The following PRRX1 variants were observed in gnomAD, a reference collection of about 807,000 sequenced individuals.
The protein encoded by PRRX1 is paired mesoderm homeobox protein 1.
In PRRX1, 8 loss-of-function variants were observed where a neutral mutation model predicts 24.0. The observed-to-expected ratio is 0.33, with a 90% CI of 0.20 to 0.60. The LOEUF (loss-of-function observed/expected upper bound fraction) is 0.60. Among genes scored for constraint, PRRX1 ranks in the 20% least tolerant of loss-of-function variants. The pLI, the probability that PRRX1 is intolerant of heterozygous loss-of-function variation, is 0.82. For synonymous variants in PRRX1, 160 were observed against 131.7 expected (o/e 1.22, Z -1.47); for missense variants, 281 against 322.4 (o/e 0.87, Z 0.98).
chr1:170,696,299 A>G lies in PRRX1; in HGVS notation c.242-23427A>G, dbSNP rs113788480. Reference sequence around the variant, plus strand: ...AACCATGACCAGCAGAGATATGTCTATATTAGAGAAAAAGAGGCAACCCTG... The same window carrying G: ...AACCATGACCAGCAGAGATATGTCTGTATTAGAGAAAAAGAGGCAACCCTG... On this transcript the variant is annotated intron_variant, in intron 1 of 3. Coordinates refer to ENST00000239461, the MANE Select transcript of PRRX1 (RefSeq NM_022716.4). Among the ~76,000 whole-genome samples, 1,335 of 152,294 alleles carry G rather than the reference A, an allele frequency of 8.8e-3. 15 individuals are homozygous for G. The highest frequency in any genetic ancestry group is 0.031 in the African/African-American group (1,288 of 41,566).
chr1:170,735,657 T>C (rs1655577965), intron 3 of PRRX1, among the ~76,000 whole-genome samples: 1 of 152,192 alleles, frequency 6.6e-6, no homozygotes, highest in African/African-American at 2.4e-5. Context: ...TATTCCCCAC[T>C]GCTCCCACAG....
intron 3 of PRRX1, chr1:170,728,059 G>T (rs936090072): frequency 1.3e-5 from 2 of 152,134 alleles, no homozygotes; most frequent in African/African-American, 4.8e-5. Flanking sequence ...TTTGAATTTG[G>T]TCACAACCAG....
At chr1:170,711,536 T>C (rs6702337) in intron 1 of PRRX1, among the ~76,000 whole-genome samples, 7,031 of 152,304 alleles carry the variant, frequency 0.046, 236 homozygotes, top group Middle Eastern at 0.12. Flanking sequence ...GTCTTGGTTT[T>C]TTAGAACCTG....
intron 1 of PRRX1, among the ~76,000 whole-genome samples, chr1:170,691,431 CTTTCCTTCCA>C (rs1376743509): frequency 6.8e-6 from 1 of 147,382 alleles, no homozygotes; most frequent in South Asian, 2.2e-4. Flanking sequence ...TTTTCCTTCC[CTTTCCTTCCA>C]TTTCCTTTCC....
intron 3 of PRRX1, among the ~76,000 whole-genome samples, chr1:170,733,468 A>G (rs528965658): frequency 6.6e-6 from 1 of 152,274 alleles, no homozygotes. Flanking sequence ...TTAAAAGCAC[A>G]ATATTCTATG....
intron 2 of PRRX1, 98 bp downstream of exon 2, chr1:170,719,999 G>A: frequency 2.0e-6 from 3 of 1,476,602 alleles, no homozygotes; most frequent in Non-Finnish European, 2.8e-6. Flanking sequence ...CCAGCACAGT[G>A]GCTCATGCCT....
At chr1:170,663,035 T>C (rs1043752999), upstream of PRRX1, 1 of 151,726 alleles carries the variant, frequency 6.6e-6, no homozygotes, top group African/African-American at 2.4e-5. Context: ...TCATTTCTCT[T>C]CTCTCTTTCT....
intron 3 of PRRX1, among the ~76,000 whole-genome samples, chr1:170,732,721 C>T (rs975882630): frequency 5.3e-5 from 8 of 152,106 alleles, no homozygotes; most frequent in Non-Finnish European, 7.4e-5. Flanking sequence ...CTACTTCTTG[C>T]GGCTATAGGA....
chr1:170,714,472 T>C (rs1331464660), intron 1 of PRRX1, among the ~76,000 whole-genome samples: 1 of 152,186 alleles, frequency 6.6e-6, no homozygotes, highest in East Asian at 1.9e-4. Context: ...GGAGCTGGCA[T>C]TTTATCTTCT....
At chr1:170,718,484 A>G (rs1348153379) in intron 1 of PRRX1, among the ~76,000 whole-genome samples, 2 of 152,246 alleles carry the variant, frequency 1.3e-5, no homozygotes, top group Non-Finnish European at 2.9e-5. Flanking sequence ...TTATAATCAG[A>G]GAGAATCAGG....
In PRRX1 at chr1:170,664,467, A is replaced by G. The variant is rs757640230; in HGVS notation, c.241+8A>G. Reference sequence around the variant, plus strand: ...ACACCCCGCAGCAGGACAGTGAGTGAGGGGCGCATGCCCACGGGGGTGTGT... The same window carrying G: ...ACACCCCGCAGCAGGACAGTGAGTGGGGGGCGCATGCCCACGGGGGTGTGT... On this transcript the variant is annotated splice_region_variant and intron_variant, in intron 1 of 3. Transcript: ENST00000239461. 3 of 1,594,544 alleles carry G rather than the reference A, an allele frequency of 1.9e-6. No individual in the cohort carries two copies. The highest frequency in any genetic ancestry group is 2.6e-6 in the Non-Finnish European group (3 of 1,171,472).
chr1:170,724,798 A>T (rs567155402), intron 2 of PRRX1, among the ~76,000 whole-genome samples: 69 of 152,148 alleles, frequency 4.5e-4, no homozygotes, highest in Non-Finnish European at 8.1e-4. Flanking sequence ...TTTAAAGTAG[A>T]TTTTTCTAAT....
Position 170,702,123 on chromosome 1 carries a change from A to T in PRRX1, c.242-17603A>T, listed in dbSNP as rs1654405836. On this transcript the variant is annotated intron_variant, in intron 1 of 3. Coordinates refer to ENST00000239461, the MANE Select transcript of PRRX1 (RefSeq NM_022716.4). Reference sequence around the variant, plus strand: ...CCTAGATCCCGCGCATGCGCAGTTCACAATAGGGTTTCTACTCGTATAAGA... The same window carrying T: ...CCTAGATCCCGCGCATGCGCAGTTCTCAATAGGGTTTCTACTCGTATAAGA... 2.6e-5 allele frequency among the ~76,000 whole-genome samples: 4 copies of T among 152,178 alleles called. No homozygotes were observed. In the South Asian group the frequency reaches 8.3e-4, roughly 32 times the overall value.
chr1:170,734,627 T>C (rs1021898758), intron 3 of PRRX1, among the ~76,000 whole-genome samples: 10 of 151,264 alleles, frequency 6.6e-5, no homozygotes, highest in Non-Finnish European at 1.3e-4. Flanking sequence ...GAAACCTTTC[T>C]GAGTCTCCTG....
intron 1 of PRRX1, among the ~76,000 whole-genome samples, chr1:170,692,766 C>G (rs1185702793): frequency 6.6e-6 from 1 of 150,420 alleles, no homozygotes; most frequent in Non-Finnish European, 1.5e-5. Context: ...CACACACAGA[C>G]ACACGTGCAC....
intron 1 of PRRX1, among the ~76,000 whole-genome samples, chr1:170,691,431 C>CTTTCCTTCCA (rs1376743509): frequency 2.0e-5 from 3 of 147,382 alleles, no homozygotes; most frequent in African/African-American, 5.0e-5. Context: ...TTTTCCTTCC[C>CTTTCCTTCCA]TTTCCTTCCA....
intron 1 of PRRX1, among the ~76,000 whole-genome samples, chr1:170,666,761 A>G (rs1223156990): frequency 6.6e-6 from 1 of 152,034 alleles, no homozygotes; most frequent in Non-Finnish European, 1.5e-5. Flanking sequence ...AGGGATGAAA[A>G]TTGTACCGGT....
At chr1:170,713,729 T>A (rs1654818948) in intron 1 of PRRX1, among the ~76,000 whole-genome samples, 1 of 152,198 alleles carries the variant, frequency 6.6e-6, no homozygotes, top group Non-Finnish European at 1.5e-5. Flanking sequence ...AGAACATATG[T>A]CATTTCCCAA....
In PRRX1 at chr1:170,719,985, T is replaced by C. The variant is rs1462598090; in HGVS notation, c.417+84T>C. On this transcript the variant is annotated intron_variant, in intron 2 of 3. Transcript: ENST00000239461. ...GAAAACTGTTTAAAAACACAAATTA[T>C]AGCCCAGCACAGTGGCTCATGCCTG... 6 of 1,533,454 alleles carry C rather than the reference T, an allele frequency of 3.9e-6. No individual in the cohort carries two copies. The Admixed American group carries it at 6.7e-5, about 17-fold the overall frequency. The allele number at this position is 1,533,454 out of a possible 1,614,324, so 95.0% of individuals were successfully genotyped here.
Sources: gnomAD v4.1 joint callset for allele counts (sites outside exome capture counted in the v4.1 genomes callset) on GRCh38, gnomAD v4.1.1 for gene constraint, MANE v1.5 for transcripts, NCBI Gene and HGNC (gene_info 2026-07-23, HGNC 2026-07-21) for gene names.